Variants in MCM10 observed in about 807,000 individuals in gnomAD.
MCM10 encodes the protein minichromosome maintenance 10 replication initiation factor, also known as protein MCM10 homolog.
MCM10 carries 91 observed loss-of-function variants against 109.9 expected under a neutral mutation model. The ratio of observed to expected loss-of-function variants is 0.83; its 90% CI spans 0.70 to 0.99. MCM10 has a LOEUF of 0.99. Among genes scored for constraint, MCM10 ranks in the 50% least tolerant of loss-of-function variants. MCM10 has a pLI of 0.00. For synonymous variants in MCM10, 380 were observed against 387.2 expected (o/e 0.98, Z 0.22); for missense variants, 1,077 against 1,061.2 (o/e 1.01, Z -0.21).
At position 13,195,786 on chromosome 10, in the gene MCM10, A is replaced by G. The variant is rs568718881; in HGVS notation, c.1974+517A>G. ...CCACCACGCCCGGCTAATTTTTAGTAGAGACATGGTTTCACCATGTTGGCC... is the reference window on the plus strand; with the variant it reads ...CCACCACGCCCGGCTAATTTTTAGTGGAGACATGGTTTCACCATGTTGGCC... On this transcript the variant is annotated intron_variant, in intron 14 of 19. Transcript: ENST00000378714. 3.3e-5 allele frequency among the ~76,000 whole-genome samples: 5 copies of G among 151,664 alleles called. No individual in the cohort carries two copies. The South Asian group carries it at 1.0e-3, about 32-fold the overall frequency.
chr10:13,162,427 C>T (rs549514561), intron 1 of MCM10, among the ~76,000 whole-genome samples: 2 of 152,264 alleles, frequency 1.3e-5, no homozygotes, highest in East Asian at 1.9e-4. Flanking sequence ...GGAAGATTAC[C>T]GTGGCTGTCG....
rs371469352 is a variant in MCM10, at chr10:13,180,618, G to T, written c.930+11G>T. On this transcript the variant is annotated intron_variant, in intron 7 of 19. Coordinates refer to ENST00000378714, the MANE Select transcript of MCM10 (RefSeq NM_018518.5). Reference sequence around the variant, plus strand: ...CAGAGTGTGAATAGTGTAAGCCATTGTATTGGTTTCTTAGCTGTTTTACTA... The same window carrying T: ...CAGAGTGTGAATAGTGTAAGCCATTTTATTGGTTTCTTAGCTGTTTTACTA... The T allele has an allele frequency of 6.2e-7, 1 of 1,612,932 alleles. No individual in the cohort carries two copies. The highest frequency in any genetic ancestry group is 1.3e-5 in the African/African-American group (1 of 74,894).
chr10:13,187,974 G>A (rs1040265966), intron 9 of MCM10, among the ~76,000 whole-genome samples: 7 of 151,986 alleles, frequency 4.6e-5, no homozygotes, highest in East Asian at 3.9e-4. Context: ...GTAAAACCCC[G>A]TCTCCAGTAA....
In MCM10 at chr10:13,209,331, C is replaced by T; in HGVS notation, c.*21C>T. The T allele has an allele frequency of 6.3e-7, 1 of 1,587,310 alleles. No individual in the cohort carries two copies. The highest frequency in any genetic ancestry group is 1.1e-5 in the South Asian group (1 of 90,404). On this transcript the variant is annotated 3_prime_UTR_variant, in exon 20 of 20. Transcript: ENST00000378714. The stretch of plus-strand genomic sequence containing the variant: ...AATAACCCGAACTTCAGACATTTTC[C>T]CACAGACTTCCTGGCCTCCTGTGAC...
In MCM10 at chr10:13,192,476, C is replaced by T. The variant is rs1216641134; in HGVS notation, c.1653C>T (p.Ala551=). 6 of 1,614,070 alleles carry T rather than the reference C, an allele frequency of 3.7e-6. No individual in the cohort carries two copies. Residue 551 remains alanine (A), a synonymous_variant, in exon 13 of 20, where the codon GCC becomes GCT. Coordinates refer to ENST00000378714, the MANE Select transcript of MCM10 (RefSeq NM_018518.5). ...GGATTATGGGGAGCCCAAAACCAGC[C>T]ATCAAGTCCATCTCGGCCTCAGCAC... ...ASGIMGSPKP[A]IKSISASALL...
chr10:13,204,538 G>C (rs185428588), intron 18 of MCM10, 174 bp downstream of exon 18: 1 of 719,294 alleles, frequency 1.4e-6, no homozygotes, highest in Non-Finnish European at 2.2e-6. Context: ...AAGGGACCCT[G>C]CCCTTTCACT....
Position 13,164,720 on chromosome 10 carries a change from G to A in MCM10, c.7+511G>A, listed in dbSNP as rs561789212. 4.6e-5 allele frequency among the ~76,000 whole-genome samples: 7 copies of A among 152,238 alleles called. No individual in the cohort carries two copies. The South Asian group carries it at 1.5e-3, about 32-fold the overall frequency. On this transcript the variant is annotated intron_variant, in intron 2 of 19. Transcript: ENST00000378714. ...CATTTTGCAAGGATGTGTACAAAAT[G>A]TTTACCTAGAAAAGAGATGTTGCAC...
intron 13 of MCM10, 80 bp from the exon 14 acceptor site, chr10:13,194,961 G>A (rs1017397125): frequency 5.0e-5 from 66 of 1,320,538 alleles, no homozygotes; most frequent in Middle Eastern, 2.0e-4. Flanking sequence ...CCTGCCTGCC[G>A]CCTCCCAGTC....
At chr10:13,202,933 C>G (rs1443563109) in intron 17 of MCM10, among the ~76,000 whole-genome samples, 1 of 152,154 alleles carries the variant, frequency 6.6e-6, no homozygotes, top group African/African-American at 2.4e-5. Flanking sequence ...CAACCTCTGC[C>G]TCCCTGGTTC....
rs575862559 is a variant in MCM10 at position 13,182,419 on chromosome 10, C to T, written c.931-514C>T. 5.0e-4 allele frequency among the ~76,000 whole-genome samples: 76 copies of T among 151,994 alleles called. 1 individual carries two copies. The South Asian group carries it at 0.015, about 30-fold the overall frequency. On this transcript the variant is annotated intron_variant, in intron 7 of 19. Coordinates refer to ENST00000378714, the MANE Select transcript of MCM10 (RefSeq NM_018518.5). The surrounding 1 kb of genome is among the most constrained non-coding windows in gnomAD (Gnocchi z 4.2). ...TGAGCCCAGGAGTTGGAGTGAGCAA[C>T]GGGACATGATTGCACCACTGCACTC...
At position 13,161,618 on chromosome 10, in the gene MCM10, G is replaced by C. The variant is rs978980960; in HGVS notation, c.-76+12G>C. 1 of 152,338 alleles carries C rather than the reference G, an allele frequency of 6.6e-6. No homozygotes were observed. Among genetic ancestry groups the C allele is most frequent in the Non-Finnish European group, 1.5e-5 (1 of 68,136 alleles). 9.4% of individuals were successfully genotyped at this position (152,338 alleles called of 1,614,324 possible). A position where few individuals can be genotyped will look rare whatever the true frequency, so the allele number is the denominator to read the frequency against. On this transcript the variant is annotated intron_variant, in intron 1 of 19. Coordinates refer to ENST00000378714, the MANE Select transcript of MCM10 (RefSeq NM_018518.5). ...CGTCCCGGCATCGGGTGAGGAGCGC[G>C]GGCCCCGGGCGTGCGTGTGACCCTC...
chr10:13,164,483 G>A (rs1833969235), intron 2 of MCM10, among the ~76,000 whole-genome samples: 2 of 152,154 alleles, frequency 1.3e-5, no homozygotes, highest in Non-Finnish European at 2.9e-5. Context: ...AGATCCTTGT[G>A]GAAATTAACT....
At chr10:13,208,472 G>A (rs1473188265) in intron 18 of MCM10, among the ~76,000 whole-genome samples, 1 of 148,288 alleles carries the variant, frequency 6.7e-6, no homozygotes, top group Admixed American at 6.9e-5. Context: ...GCTCACGCCC[G>A]TAATCCCAGC....
intron 18 of MCM10, 85 bp from the exon 19 acceptor site, chr10:13,209,006 T>C (rs1588483116): frequency 2.2e-6 from 2 of 916,350 alleles, no homozygotes; most frequent in East Asian, 2.4e-5. Flanking sequence ...GGGGGCCTAC[T>C]CTCCCCAGGT....
intron 14 of MCM10, 59 bp from the exon 15 acceptor site, chr10:13,197,564 C>T: frequency 2.6e-6 from 4 of 1,524,720 alleles, no homozygotes; most frequent in Non-Finnish European, 3.6e-6. Context: ...GGATCCAGGT[C>T]TATAAGTGCC....
intron 1 of MCM10, among the ~76,000 whole-genome samples, chr10:13,161,993 G>C (rs1159516457): frequency 6.6e-6 from 1 of 152,214 alleles, no homozygotes; most frequent in Non-Finnish European, 1.5e-5. Flanking sequence ...CATTTCCGCT[G>C]CCTTCACAGC....
At chr10:13,170,694 G>GT (rs1312092843) in intron 2 of MCM10, among the ~76,000 whole-genome samples, 1 of 150,188 alleles carries the variant, frequency 6.7e-6, no homozygotes, top group Non-Finnish European at 1.5e-5. Flanking sequence ...TTGTTTGTTT[G>GT]TTTGTTTTTT....
At chr10:13,179,418 G>A (rs372281394) in intron 6 of MCM10, among the ~76,000 whole-genome samples, 1 of 152,138 alleles carries the variant, frequency 6.6e-6, no homozygotes, top group Non-Finnish European at 1.5e-5. Flanking sequence ...GTCGGGGGGA[G>A]CCTATCACAC....
intron 2 of MCM10, among the ~76,000 whole-genome samples, chr10:13,169,405 G>A (rs1834041677): frequency 6.6e-6 from 1 of 152,116 alleles, no homozygotes; most frequent in Non-Finnish European, 1.5e-5. Flanking sequence ...CGAACCTCAG[G>A]TATTACCCCA....
Sources: gnomAD v4.1 joint callset for allele counts (sites outside exome capture counted in the v4.1 genomes callset) on GRCh38, gnomAD v4.1.1 for gene constraint, Gnocchi (gnomAD v3.1) non-coding constraint, MANE v1.5 for transcripts, NCBI Gene and HGNC (gene_info 2026-07-23, HGNC 2026-07-21) for gene names.